The following GPHN variants were observed in gnomAD, a reference collection of about 807,000 sequenced individuals.
The protein encoded by GPHN is gephyrin.
A neutral mutation model predicts 95.5 loss-of-function variants in GPHN; 17 were observed. The ratio of observed to expected loss-of-function variants is 0.18; its 90% CI spans 0.12 to 0.27. GPHN has a LOEUF of 0.27. Ranked by LOEUF, GPHN falls within the 10% of genes least tolerant of loss-of-function variation. GPHN has a pLI of 1.00. For missense variants in GPHN, 660 were observed against 978.1 expected (o/e 0.67, Z 4.34); for synonymous variants, 320 against 322.5 (o/e 0.99, Z 0.08).
the GPHN span, chr14:67,678,367 C>T: frequency 3.1e-6 from 5 of 1,613,944 alleles, no homozygotes; most frequent in East Asian, 2.2e-5. Flanking sequence ...GTCCCACAGC[C>T]GCCTTGCTAT....
chr14:67,195,362 T>C, the GPHN span, among the ~76,000 whole-genome samples: 1 of 152,108 alleles, frequency 6.6e-6, no homozygotes, highest in East Asian at 1.9e-4. Flanking sequence ...CCCTGGGAGA[T>C]CATCCACTCT....
intron 1 of GPHN, among the ~76,000 whole-genome samples, chr14:66,599,931 G>T (rs2062154492): frequency 6.6e-6 from 1 of 151,914 alleles, no homozygotes; most frequent in Admixed American, 6.6e-5. Context: ...TGGTAATTAT[G>T]TATGATGTTG....
chr14:66,765,728 A>G (rs1049327890), intron 2 of GPHN, among the ~76,000 whole-genome samples: 1 of 152,106 alleles, frequency 6.6e-6, no homozygotes, highest in Non-Finnish European at 1.5e-5. Flanking sequence ...ATTTACCTAT[A>G]TGACAAACCT....
At chr14:67,591,102 T>C in the GPHN span, among the ~76,000 whole-genome samples, 1 of 152,070 alleles carries the variant, frequency 6.6e-6, no homozygotes, top group Non-Finnish European at 1.5e-5. Flanking sequence ...TAAAAATAGA[T>C]ACAAATACAT....
At chr14:67,732,126 CAAAAA>C in the GPHN span, among the ~76,000 whole-genome samples, 6 of 77,528 alleles carry the variant, frequency 7.7e-5, no homozygotes, top group Non-Finnish European at 1.6e-4. Context: ...GACTCTGTCT[CAAAAA>C]AAAAAAAAAA....
chr14:67,476,845 G>T, the GPHN span, among the ~76,000 whole-genome samples: 1 of 152,134 alleles, frequency 6.6e-6, no homozygotes, highest in Non-Finnish European at 1.5e-5. Context: ...CTCGATAGTG[G>T]CTGGGCACAG....
chr14:67,100,451 T>TTA (rs999666328), intron 12 of GPHN, among the ~76,000 whole-genome samples: 149 of 150,792 alleles, frequency 9.9e-4, no homozygotes, highest in Admixed American at 3.9e-3. Context: ...ATAAATCCAT[T>TTA]TATATATATA....
At chr14:67,281,160 G>A in the GPHN span, among the ~76,000 whole-genome samples, 2 of 151,834 alleles carry the variant, frequency 1.3e-5, no homozygotes, top group Admixed American at 6.6e-5. Context: ...ACCTTCCAAA[G>A]TGCTGGGATT....
chr14:67,018,527 G>C (rs1224372949), intron 9 of GPHN, among the ~76,000 whole-genome samples: 1 of 152,158 alleles, frequency 6.6e-6, no homozygotes, highest in Non-Finnish European at 1.5e-5. Context: ...TTGAGACTTT[G>C]CTCCATGCCT....
At chr14:66,635,756 G>A (rs1212118880) in intron 1 of GPHN, among the ~76,000 whole-genome samples, 1 of 152,170 alleles carries the variant, frequency 6.6e-6, no homozygotes, top group African/African-American at 2.4e-5. Context: ...TACTCAAAAT[G>A]TCAGTTTTTA....
chr14:67,393,368 G>A, the GPHN span: 2 of 733,268 alleles, frequency 2.7e-6, no homozygotes, highest in African/African-American at 1.7e-5. Flanking sequence ...ACAAAGAAAA[G>A]GGGTGTAGGA....
At chr14:66,821,529 T>G (rs2061189792) in intron 3 of GPHN, among the ~76,000 whole-genome samples, 1 of 152,232 alleles carries the variant, frequency 6.6e-6, no homozygotes, top group Admixed American at 6.5e-5. Flanking sequence ...GCCTTATTTA[T>G]CTTTGCATTG....
the GPHN span, among the ~76,000 whole-genome samples, chr14:67,581,274 GCACACACACA>G: frequency 3.0e-4 from 45 of 148,084 alleles, 1 homozygote; most frequent in South Asian, 9.1e-3. Flanking sequence ...GTGTGTATAT[GCACACACACA>G]CACACACACA....
At chr14:67,615,697 G>A in the GPHN span, 6 of 493,950 alleles carry the variant, frequency 1.2e-5, no homozygotes, top group African/African-American at 9.6e-5. Context: ...GGCCCGTTAC[G>A]AAAGAGAAAT....
intron 4 of GPHN, among the ~76,000 whole-genome samples, chr14:66,824,878 A>G (rs1421530405): frequency 5.9e-5 from 9 of 152,186 alleles, no homozygotes; most frequent in Non-Finnish European, 1.0e-4. Context: ...TCTGATGGTT[A>G]GCATGGCATC....
chr14:66,858,305 GT>G (rs1343334176), intron 4 of GPHN, among the ~76,000 whole-genome samples: 1 of 151,742 alleles, frequency 6.6e-6, no homozygotes, highest in Non-Finnish European at 1.5e-5. Flanking sequence ...AGGGGACTTT[GT>G]CTTGCATTTG....
At chr14:67,343,156 G>A in the GPHN span, among the ~76,000 whole-genome samples, 1 of 152,134 alleles carries the variant, frequency 6.6e-6, no homozygotes, top group Non-Finnish European at 1.5e-5. Context: ...ACTTTCCTAT[G>A]TGTGTAACTC....
At chr14:66,544,280 T>G (rs1173214989) in intron 1 of GPHN, among the ~76,000 whole-genome samples, 3 of 152,234 alleles carry the variant, frequency 2.0e-5, no homozygotes, top group African/African-American at 7.2e-5. Flanking sequence ...TAATTAAAAT[T>G]ACAGCCTCTT....
chr14:67,601,050 CG>C, the GPHN span, among the ~76,000 whole-genome samples: 1 of 152,196 alleles, frequency 6.6e-6, no homozygotes, highest in Non-Finnish European at 1.5e-5. Flanking sequence ...TCTCTGCCCT[CG>C]GGCAGCTTCC....
Sources: gnomAD v4.1 joint callset for allele counts (sites outside exome capture counted in the v4.1 genomes callset) on GRCh38, gnomAD v4.1.1 for gene constraint, MANE v1.5 for transcripts, NCBI Gene and HGNC (gene_info 2026-07-23, HGNC 2026-07-21) for gene names.